Variants in TCF7L1 observed in about 807,000 individuals in gnomAD.
TCF7L1 encodes the protein transcription factor 7-like 1.
In TCF7L1, 18 loss-of-function variants were observed where a neutral mutation model predicts 63.7. The observed-to-expected ratio is 0.28, with a 90% CI of 0.20 to 0.42. The LOEUF (loss-of-function observed/expected upper bound fraction) is 0.42, where lower values mean the gene tolerates loss of function less well. Ranked by LOEUF, TCF7L1 falls within the 10% of genes least tolerant of loss-of-function variation. TCF7L1 has a pLI of 1.00. For missense variants in TCF7L1, 654 were observed against 779.3 expected (o/e 0.84, Z 1.91); for synonymous variants, 355 against 340.9 (o/e 1.04, Z -0.46).
intron 4 of TCF7L1, among the ~76,000 whole-genome samples, chr2:85,285,114 TC>T (rs1221680102): frequency 6.6e-6 from 1 of 152,036 alleles, no homozygotes; most frequent in African/African-American, 2.4e-5. Context: ...GCGCCTGTAG[TC>T]CCAGCTACTA....
chr2:85,201,118 G>A (rs1220760439), intron 3 of TCF7L1, among the ~76,000 whole-genome samples: 2 of 152,148 alleles, frequency 1.3e-5, no homozygotes, highest in South Asian at 2.1e-4. Context: ...ACAAGAATTC[G>A]CTTGAACCTG....
At chr2:85,220,513 G>A (rs570346755) in intron 3 of TCF7L1, among the ~76,000 whole-genome samples, 38 of 152,058 alleles carry the variant, frequency 2.5e-4, no homozygotes, top group African/African-American at 8.2e-4. Flanking sequence ...CTACAGGCAC[G>A]CGCCTCCATG....
At chr2:85,156,039 T>C (rs1311339181) in intron 3 of TCF7L1, among the ~76,000 whole-genome samples, 1 of 151,974 alleles carries the variant, frequency 6.6e-6, no homozygotes, top group Non-Finnish European at 1.5e-5. Context: ...AAAAAAGGAG[T>C]TCAGGATTCT....
Position 85,134,655 on chromosome 2 carries a change from C to T in TCF7L1, c.441+205C>T, listed in dbSNP as rs1006554813. ...TGAAAGTAAAGTTACTTTAACTTTT[C>T]CCCTCTTGCGGGTTGAGGTTTTGGA... On this transcript the variant is annotated intron_variant, in intron 3 of 11. Transcript: ENST00000282111. The surrounding 1 kb of genome is among the most constrained non-coding windows in gnomAD (Gnocchi z 5.0). Among the ~76,000 whole-genome samples, 4 of 152,232 alleles carry T rather than the reference C, an allele frequency of 2.6e-5. No individual in the cohort carries two copies. The highest frequency in any genetic ancestry group is 2.1e-4 in the South Asian group (1 of 4,834).
At chr2:85,285,982 G>A (rs914233793) in intron 4 of TCF7L1, among the ~76,000 whole-genome samples, 5 of 151,600 alleles carry the variant, frequency 3.3e-5, no homozygotes, top group Admixed American at 1.3e-4. Flanking sequence ...ACCTCAGGTC[G>A]AGAGTTCGAG....
At chr2:85,224,206 G>A (rs758351554) in intron 3 of TCF7L1, among the ~76,000 whole-genome samples, 9 of 152,266 alleles carry the variant, frequency 5.9e-5, no homozygotes, top group East Asian at 1.9e-4. Flanking sequence ...CATTTGGGTC[G>A]GTTCCAAGTC....
chr2:85,228,322 G>A (rs1029499854), intron 3 of TCF7L1, among the ~76,000 whole-genome samples: 1 of 152,146 alleles, frequency 6.6e-6, no homozygotes. Context: ...TTGGGGAGTT[G>A]AGGCAGGAGG....
intron 3 of TCF7L1, among the ~76,000 whole-genome samples, chr2:85,214,023 A>G (rs929877017): frequency 1.3e-5 from 2 of 152,152 alleles, no homozygotes; most frequent in Non-Finnish European, 1.5e-5. Context: ...CCCCTGACTC[A>G]GCCACCTCCG....
At chr2:85,160,909 C>A (rs1678269334) in intron 3 of TCF7L1, among the ~76,000 whole-genome samples, 1 of 152,158 alleles carries the variant, frequency 6.6e-6, no homozygotes, top group African/African-American at 2.4e-5. Context: ...TTGCAATCAT[C>A]AATGAGAACC....
chr2:85,304,245 C>G lies in TCF7L1; in HGVS notation c.762-10C>G. The G allele has an allele frequency of 1.2e-6, 2 of 1,611,336 alleles. No homozygotes were observed. Among genetic ancestry groups the G allele is most frequent in the Non-Finnish European group, 1.7e-6 (2 of 1,178,110 alleles). ...CCCAATATGCTGACCAGATTTCCTC[C>G]CCCTCACAGGCAAGGCCAGCCCATG... On this transcript the variant is annotated splice_polypyrimidine_tract_variant and intron_variant, in intron 6 of 11. Transcript: ENST00000282111.
Position 85,309,762 on chromosome 2 carries a change from T to G in TCF7L1, c.*300T>G, listed in dbSNP as rs1237189169. 3.1e-6 allele frequency: 1 copy of G among 324,590 alleles called. No individual in the cohort carries two copies. The highest frequency in any genetic ancestry group is 2.1e-5 in the African/African-American group (1 of 46,862). The allele number at this position is 324,590 out of a possible 1,614,324, so 20.1% of individuals were successfully genotyped here. ...GACCTGGGCAGAGGGCACTTCTCTCTCTTACCTCTCTTGCACTTTCTGTCT... is the reference window on the plus strand; with the variant it reads ...GACCTGGGCAGAGGGCACTTCTCTCGCTTACCTCTCTTGCACTTTCTGTCT... On this transcript the variant is annotated 3_prime_UTR_variant, in exon 12 of 12. Transcript: ENST00000282111.
chr2:85,278,915 G>A (rs58577862), intron 3 of TCF7L1, among the ~76,000 whole-genome samples: 1,608 of 152,242 alleles, frequency 0.011, 28 homozygotes, highest in African/African-American at 0.036. Flanking sequence ...AAGTGGGAGC[G>A]ATCGCTATTG....
intron 3 of TCF7L1, among the ~76,000 whole-genome samples, chr2:85,252,187 G>C (rs1467441148): frequency 6.6e-6 from 1 of 152,214 alleles, no homozygotes; most frequent in Non-Finnish European, 1.5e-5. Context: ...TCTGAGGGAA[G>C]TGAGTGGTGC....
chr2:85,292,962 C>T (rs1681760322), intron 4 of TCF7L1, among the ~76,000 whole-genome samples: 1 of 152,186 alleles, frequency 6.6e-6, no homozygotes, highest in South Asian at 2.1e-4. Context: ...CACTGATGGA[C>T]CTGTGGGTCA....
intron 4 of TCF7L1, among the ~76,000 whole-genome samples, chr2:85,286,773 G>T (rs897888488): frequency 6.6e-6 from 1 of 152,116 alleles, no homozygotes; most frequent in Non-Finnish European, 1.5e-5. Context: ...GGGATTACAG[G>T]CGTGAGCCAC....
rs956506217 is a variant in TCF7L1 at position 85,306,959 on chromosome 2, C to T, written c.1257+400C>T. ...GATTACAGGCGTGAGCCACCGCGCC[C>T]GGCCAGCGACTGCATTTATAGAGGA... On this transcript the variant is annotated intron_variant, in intron 10 of 11. Transcript: ENST00000282111. The surrounding 1 kb of genome is among the most constrained non-coding windows in gnomAD (Gnocchi z 4.3). 2.6e-5 allele frequency among the ~76,000 whole-genome samples: 4 copies of T among 152,182 alleles called. No individual in the cohort carries two copies. Among genetic ancestry groups the T allele is most frequent in the African/African-American group, 4.8e-5 (2 of 41,442 alleles).
chr2:85,265,979 C>G, intron 3 of TCF7L1, among the ~76,000 whole-genome samples: 1 of 152,140 alleles, frequency 6.6e-6, no homozygotes, highest in East Asian at 1.9e-4. Context: ...ATAAAGATAC[C>G]TGTTTTACAA....
At chr2:85,194,649 G>A (rs1679113742) in intron 3 of TCF7L1, among the ~76,000 whole-genome samples, 1 of 152,142 alleles carries the variant, frequency 6.6e-6, no homozygotes, top group African/African-American at 2.4e-5. Flanking sequence ...GTGCCCCCAG[G>A]TGCCCTTGAG....
intron 3 of TCF7L1, among the ~76,000 whole-genome samples, chr2:85,270,988 T>C (rs2104356237): frequency 6.6e-6 from 1 of 151,878 alleles, no homozygotes; most frequent in South Asian, 2.1e-4. Flanking sequence ...TGAGTCCCAT[T>C]CCCAACCACA....
Sources: gnomAD v4.1 joint callset for allele counts (sites outside exome capture counted in the v4.1 genomes callset) on GRCh38, gnomAD v4.1.1 for gene constraint, Gnocchi (gnomAD v3.1) non-coding constraint, MANE v1.5 for transcripts, NCBI Gene and HGNC (gene_info 2026-07-23, HGNC 2026-07-21) for gene names.